The following LIMA1 variants were observed in gnomAD, a reference collection of about 807,000 sequenced individuals.
LIMA1 encodes LIM domain and actin binding 1.
In LIMA1, 52 loss-of-function variants were observed where a neutral mutation model predicts 62.6. The observed-to-expected ratio is 0.83, with a 90% CI of 0.67 to 1.05. The LOEUF (loss-of-function observed/expected upper bound fraction) is 1.05, where lower values mean the gene tolerates loss of function less well. LIMA1 is among the 50% of genes least tolerant of loss of function. LIMA1 has a pLI of 0.00. For synonymous variants in LIMA1, 302 were observed against 317.8 expected, an observed-to-expected ratio of 0.95 and a Z score of 0.53; for missense variants, 780 against 902.2, an observed-to-expected ratio of 0.86 and a Z score of 1.74.
At chr12:50,246,104 T>C (rs1941844983) in intron 2 of LIMA1, among the ~76,000 whole-genome samples, 1 of 151,642 alleles carries the variant, frequency 6.6e-6, no homozygotes, top group African/African-American at 2.4e-5. Flanking sequence ...TGGTGACATG[T>C]GCCTGTAATC....
At chr12:50,248,079 C>A (rs1333241198) in intron 2 of LIMA1, among the ~76,000 whole-genome samples, 1 of 152,150 alleles carries the variant, frequency 6.6e-6, no homozygotes, top group Non-Finnish European at 1.5e-5. Flanking sequence ...AGTTACTGAG[C>A]ACTTGAAAAG....
In LIMA1 at chr12:50,218,775, TAC is replaced by T. The variant is rs143081871; in HGVS notation, c.630+3244_630+3245del. On this transcript the variant is annotated intron_variant, in intron 4 of 10. Transcript: ENST00000341247. ...TTTAAAAATTAGCTGAGAGTGGTGGTACACACCTGTGGCCCCAGCTATTTGGG... is the reference window on the plus strand; with the variant it reads ...TTTAAAAATTAGCTGAGAGTGGTGGTACACCTGTGGCCCCAGCTATTTGGG... Among the ~76,000 whole-genome samples, 1,313 of 151,812 alleles carry T rather than the reference TAC, an allele frequency of 8.6e-3. 22 individuals carry two copies. The highest frequency in any genetic ancestry group is 0.03 in the African/African-American group (1,242 of 41,386).
intron 1 of LIMA1, among the ~76,000 whole-genome samples, chr12:50,269,371 T>C (rs1942176007): frequency 6.6e-6 from 1 of 152,186 alleles, no homozygotes; most frequent in Non-Finnish European, 1.5e-5. Flanking sequence ...TTAGCTCTTT[T>C]CATTTTTTAG....
intron 2 of LIMA1, among the ~76,000 whole-genome samples, chr12:50,240,969 A>C (rs1941768998): frequency 6.6e-6 from 1 of 152,208 alleles, no homozygotes; most frequent in Non-Finnish European, 1.5e-5. Context: ...AGAGAAGCAA[A>C]AATGTGGGAG....
At chr12:50,249,424 C>T (rs1246609332) in intron 1 of LIMA1, among the ~76,000 whole-genome samples, 1 of 152,064 alleles carries the variant, frequency 6.6e-6, no homozygotes, top group African/African-American at 2.4e-5. Flanking sequence ...ATTTAAAATA[C>T]TGGGTATATT....
At chr12:50,220,951 C>T (rs562533861) in intron 4 of LIMA1, among the ~76,000 whole-genome samples, 1 of 152,114 alleles carries the variant, frequency 6.6e-6, no homozygotes, top group Non-Finnish European at 1.5e-5. Flanking sequence ...AAACATGACC[C>T]GCAAACATTC....
At chr12:50,256,933 T>C (rs1416294631) in intron 1 of LIMA1, among the ~76,000 whole-genome samples, 1 of 152,232 alleles carries the variant, frequency 6.6e-6, no homozygotes, top group African/African-American at 2.4e-5. Context: ...GGGTACGTGA[T>C]GTTGATGTGA....
intron 9 of LIMA1, among the ~76,000 whole-genome samples, chr12:50,183,101 C>G (rs1940542619): frequency 6.6e-6 from 1 of 152,136 alleles, no homozygotes; most frequent in Admixed American, 6.5e-5. Flanking sequence ...ACTCGGGAGG[C>G]TGAGGCAGGA....
chr12:50,232,520 C>A (rs1941627035), intron 2 of LIMA1, among the ~76,000 whole-genome samples: 1 of 152,110 alleles, frequency 6.6e-6, no homozygotes, highest in Non-Finnish European at 1.5e-5. Flanking sequence ...CAGATGCACA[C>A]CACCACACCT....
At chr12:50,233,440 A>G (rs550963454) in intron 2 of LIMA1, among the ~76,000 whole-genome samples, 1 of 152,366 alleles carries the variant, frequency 6.6e-6, no homozygotes, top group South Asian at 2.1e-4. Flanking sequence ...GTTGAGAGAT[A>G]GTCACATTGC....
At chr12:50,261,721 G>A (rs921278727) in intron 1 of LIMA1, among the ~76,000 whole-genome samples, 4 of 152,102 alleles carry the variant, frequency 2.6e-5, no homozygotes, top group African/African-American at 9.7e-5. Flanking sequence ...AGGCTGGAAC[G>A]CAGTGGTGTG....
intron 1 of LIMA1, among the ~76,000 whole-genome samples, chr12:50,253,198 A>G (rs886729576): frequency 1.3e-5 from 2 of 152,210 alleles, no homozygotes; most frequent in African/African-American, 4.8e-5. Flanking sequence ...TGAGACATAC[A>G]TGTCAGCAAG....
At chr12:50,184,540 G>T (rs999938848) in intron 9 of LIMA1, among the ~76,000 whole-genome samples, 4 of 152,120 alleles carry the variant, frequency 2.6e-5, no homozygotes, top group African/African-American at 9.7e-5. Context: ...TACCAGAGAG[G>T]CTGAGGCACA....
At chr12:50,178,718 G>T (rs982965330) in intron 10 of LIMA1, among the ~76,000 whole-genome samples, 1 of 151,866 alleles carries the variant, frequency 6.6e-6, no homozygotes, top group East Asian at 1.9e-4. Context: ...TCCCTTCTTT[G>T]CGAGTGATAA....
At chr12:50,194,476 T>TA (rs1313643020) in intron 8 of LIMA1, among the ~76,000 whole-genome samples, 1 of 151,324 alleles carries the variant, frequency 6.6e-6, no homozygotes, top group Non-Finnish European at 1.5e-5. Flanking sequence ...TTTGTATTTT[T>TA]AGTAGAGCTT....
intron 1 of LIMA1, among the ~76,000 whole-genome samples, chr12:50,281,597 TAAC>T (rs151038623): frequency 0.011 from 1,615 of 152,294 alleles, 25 homozygotes; most frequent in African/African-American, 0.035. Context: ...GACTACCTGA[TAAC>T]AACACTTCCC....
intron 1 of LIMA1, among the ~76,000 whole-genome samples, chr12:50,262,539 TG>T (rs1942084216): frequency 6.6e-6 from 1 of 151,878 alleles, no homozygotes; most frequent in Admixed American, 6.6e-5. Context: ...TTTGGGAGGC[TG>T]AGGAGACAGG....
At chr12:50,224,374 C>T (rs1357030778) in intron 3 of LIMA1, 1 of 152,122 alleles carries the variant, frequency 6.6e-6, no homozygotes, top group Non-Finnish European at 1.5e-5. Flanking sequence ...ACAAAATGAT[C>T]CATTGGGGGA....
chr12:50,218,790 C>G (rs1941392667), intron 4 of LIMA1, among the ~76,000 whole-genome samples: 1 of 151,696 alleles, frequency 6.6e-6, no homozygotes, highest in Non-Finnish European at 1.5e-5. Context: ...ACCTGTGGCC[C>G]CAGCTATTTG....
Sources: gnomAD v4.1 joint callset for allele counts (sites outside exome capture counted in the v4.1 genomes callset) on GRCh38, gnomAD v4.1.1 for gene constraint, MANE v1.5 for transcripts, NCBI Gene and HGNC (gene_info 2026-07-23, HGNC 2026-07-21) for gene names.